Variants in PIK3C2G observed in about 807,000 individuals in gnomAD.
PIK3C2G encodes phosphatidylinositol 3-kinase C2 domain-containing subunit gamma.
Under a neutral mutation model 181.1 loss-of-function variants are expected in PIK3C2G, and 168 were observed. That is an observed-to-expected ratio of 0.93 (90% CI 0.82 to 1.05). The LOEUF is 1.05. Among genes scored for constraint, PIK3C2G ranks in the 50% least tolerant of loss-of-function variants. PIK3C2G has a pLI of 0.00. For missense variants in PIK3C2G, 1,869 were observed against 1,732.8 expected, an observed-to-expected ratio of 1.08 and a Z score of -1.40; for synonymous variants, 573 against 592.2, an observed-to-expected ratio of 0.97 and a Z score of 0.47.
chr12:18,713,230 T>A, the PIK3C2G span, among the ~76,000 whole-genome samples: 1 of 152,206 alleles, frequency 6.6e-6, no homozygotes, highest in South Asian at 2.1e-4. Flanking sequence ...GTTTTACTCT[T>A]CCGTGCTCTC....
intron 10 of PIK3C2G, among the ~76,000 whole-genome samples, chr12:18,345,486 C>T (rs1939584816): frequency 6.6e-6 from 1 of 152,036 alleles, no homozygotes; most frequent in African/African-American, 2.4e-5. Flanking sequence ...TAAACAACAA[C>T]AAAAATGTTT....
At chr12:18,273,388 G>C (rs1948828703) in intron 1 of PIK3C2G, among the ~76,000 whole-genome samples, 1 of 152,136 alleles carries the variant, frequency 6.6e-6, no homozygotes, top group African/African-American at 2.4e-5. Context: ...TTGTAGTATA[G>C]TTTGAAGTCA....
intron 31 of PIK3C2G, among the ~76,000 whole-genome samples, chr12:18,628,904 C>T (rs1949223020): frequency 6.6e-6 from 1 of 152,050 alleles, no homozygotes; most frequent in Non-Finnish European, 1.5e-5. Flanking sequence ...CCAGCTGAGG[C>T]AATGTAGTGA....
chr12:18,460,292 GTC>G (rs1947844691), intron 18 of PIK3C2G, among the ~76,000 whole-genome samples: 1 of 152,024 alleles, frequency 6.6e-6, no homozygotes, highest in African/African-American at 2.4e-5. Context: ...AAAACTAATT[GTC>G]CAGGTGCGGT....
chr12:18,582,542 G>A (rs970373958), intron 29 of PIK3C2G, among the ~76,000 whole-genome samples: 7 of 152,270 alleles, frequency 4.6e-5, no homozygotes, highest in East Asian at 1.9e-4. Context: ...CTGCCAAAGC[G>A]AAAGGTTAGA....
chr12:18,300,500 A>G (rs1339097534), intron 5 of PIK3C2G, among the ~76,000 whole-genome samples: 3 of 151,998 alleles, frequency 2.0e-5, no homozygotes, highest in East Asian at 1.9e-4. Flanking sequence ...CTTTCAGTCT[A>G]TATGTGTCTT....
intron 29 of PIK3C2G, among the ~76,000 whole-genome samples, chr12:18,573,834 G>A (rs1946099315): frequency 6.6e-6 from 1 of 152,104 alleles, no homozygotes; most frequent in Non-Finnish European, 1.5e-5. Flanking sequence ...GTCTCAGTCT[G>A]TGGTCACTTT....
Position 18,609,578 on chromosome 12 carries a change from A to G in PIK3C2G, c.4131A>G (p.Ile1377Met), listed in dbSNP as rs147557915. Residue 1377 changes from isoleucine to methionine, a missense_variant, in exon 31 of 33, where the codon ATA becomes ATG. Transcript: ENST00000538779. ...AGAAGCCTAAGGTGCAGTTAGTCATATCCTACGAGGATGTGAAGCTGACCA... is the reference window on the plus strand; with the variant it reads ...AGAAGCCTAAGGTGCAGTTAGTCATGTCCTACGAGGATGTGAAGCTGACCA... ...PDKKPKVQLVISYEDVKLTIL... is the reference protein window; with the variant it reads ...PDKKPKVQLVMSYEDVKLTIL... 11 of 1,589,200 alleles carry G rather than the reference A, an allele frequency of 6.9e-6. No individual in the cohort carries two copies. In the African/African-American group the frequency reaches 1.2e-4, roughly 17 times the overall value.
intron 31 of PIK3C2G, among the ~76,000 whole-genome samples, chr12:18,632,131 T>G (rs1056652872): frequency 1.3e-5 from 2 of 152,010 alleles, no homozygotes; most frequent in Non-Finnish European, 2.9e-5. Context: ...CAACAAAGAA[T>G]TAAAAGAATT....
chr12:18,257,067 AG>A (rs551883437), upstream of PIK3C2G, among the ~76,000 whole-genome samples: 138 of 152,272 alleles, frequency 9.1e-4, no homozygotes, highest in African/African-American at 2.8e-3. Context: ...AAAGAGGGAA[AG>A]GTTCCAGAAT....
At chr12:18,514,772 C>T (rs1259078547) in intron 24 of PIK3C2G, among the ~76,000 whole-genome samples, 1 of 151,830 alleles carries the variant, frequency 6.6e-6, no homozygotes, top group Non-Finnish European at 1.5e-5. Flanking sequence ...GGACTTCCAA[C>T]ACTATGTTGA....
Position 18,497,781 on chromosome 12 carries a change from A to G in PIK3C2G, c.3016+33A>G, listed in dbSNP as rs139802995. 8.8e-5 allele frequency: 133 copies of G among 1,506,528 alleles called. No individual in the cohort carries two copies. In the African/African-American group the frequency reaches 1.6e-3, roughly 18 times the overall value. 93.3% of individuals were successfully genotyped at this position (1,506,528 alleles called of 1,614,324 possible). A position where few individuals can be genotyped will look rare whatever the true frequency, so the allele number is the denominator to read the frequency against. ...TAGATTAGAAAGTGCGCTGGCTCAC[A>G]TTATTTATTTCACACATTCACTAGT... On this transcript the variant is annotated intron_variant, in intron 22 of 32. Coordinates refer to ENST00000538779, the MANE Select transcript of PIK3C2G (RefSeq NM_001288772.2).
At chr12:18,720,035 C>T in the PIK3C2G span, among the ~76,000 whole-genome samples, 1 of 152,084 alleles carries the variant, frequency 6.6e-6, no homozygotes, top group Non-Finnish European at 1.5e-5. Flanking sequence ...CCAAGTATAT[C>T]AACTGATCTG....
intron 9 of PIK3C2G, among the ~76,000 whole-genome samples, chr12:18,339,372 T>A (rs1228553897): frequency 6.6e-6 from 1 of 152,162 alleles, no homozygotes. Flanking sequence ...CACAGCAATG[T>A]CATAAAGTTG....
intron 24 of PIK3C2G, among the ~76,000 whole-genome samples, chr12:18,513,261 T>C (rs1942327469): frequency 6.6e-6 from 1 of 151,858 alleles, no homozygotes. Context: ...AATTTTCTTT[T>C]CTTGTAGTGT....
rs199886035 is a variant in PIK3C2G at position 18,574,959 on chromosome 12, C to CA, written c.4011+7906dup. On this transcript the variant is annotated intron_variant, in intron 29 of 32. Transcript: ENST00000538779. ...TTAAAAATATATCAATGCATATATA[C>CA]AAAATAGCCTCCTAATTGTAAAATA... 3.2e-3 allele frequency among the ~76,000 whole-genome samples: 484 copies of CA among 152,122 alleles called. 2 individuals are homozygous for CA. The highest frequency in any genetic ancestry group is 0.011 in the African/African-American group (463 of 41,502).
At chr12:18,446,596 A>T (rs1447128937) in intron 18 of PIK3C2G, among the ~76,000 whole-genome samples, 1 of 151,940 alleles carries the variant, frequency 6.6e-6, no homozygotes, top group East Asian at 1.9e-4. Context: ...ACCTTCCTCA[A>T]GTTGTTTGAA....
At chr12:18,640,859 C>T (rs1250245788) in intron 32 of PIK3C2G, among the ~76,000 whole-genome samples, 2 of 152,114 alleles carry the variant, frequency 1.3e-5, no homozygotes, top group East Asian at 1.9e-4. Context: ...TAACCTTATT[C>T]TCCTTTACCT....
At chr12:18,269,978 T>C (rs1434968272) in intron 1 of PIK3C2G, among the ~76,000 whole-genome samples, 1 of 150,802 alleles carries the variant, frequency 6.6e-6, no homozygotes, top group South Asian at 2.1e-4. Context: ...GGTGAGATCT[T>C]AGCTCACTGC....
Sources: allele counts gnomAD v4.1 joint callset (sites outside exome capture counted in the v4.1 genomes callset), GRCh38; gene constraint gnomAD v4.1.1; transcripts MANE v1.5; gene names NCBI Gene and HGNC (gene_info 2026-07-23, HGNC 2026-07-21).